The following VPS45 variants were observed in gnomAD, a reference collection of about 807,000 sequenced individuals.
VPS45 encodes vacuolar protein sorting-associated protein 45.
VPS45 carries 35 observed loss-of-function variants against 75.9 expected under a neutral mutation model. That is an observed-to-expected ratio of 0.46 (90% CI 0.35 to 0.61). The LOEUF (loss-of-function observed/expected upper bound fraction) is 0.61, where lower values mean the gene tolerates loss of function less well. Among genes scored for constraint, VPS45 ranks in the 20% least tolerant of loss-of-function variants. The probability of loss-of-function intolerance (pLI) is 0.00; values close to 1 mark genes in which losing one functional copy is unlikely to be tolerated. For missense variants in VPS45, 559 were observed against 685.9 expected, an observed-to-expected ratio of 0.81 and a Z score of 2.07; for synonymous variants, 220 against 238.2, an observed-to-expected ratio of 0.92 and a Z score of 0.70.
chr1:150,137,363 A>T (rs1559947550), intron 14 of VPS45, among the ~76,000 whole-genome samples: 2 of 152,354 alleles, frequency 1.3e-5, no homozygotes, highest in South Asian at 2.1e-4. Flanking sequence ...CATCCACTTT[A>T]TACTAAGGAT....
At chr1:150,095,485 G>A (rs1656571588) in intron 13 of VPS45, among the ~76,000 whole-genome samples, 3 of 152,110 alleles carry the variant, frequency 2.0e-5, no homozygotes, top group African/African-American at 7.2e-5. Context: ...TGGGTAGCAG[G>A]CGCCTGTAAT....
intron 10 of VPS45, among the ~76,000 whole-genome samples, chr1:150,088,772 C>T (rs1553801307): frequency 6.6e-6 from 1 of 152,016 alleles, no homozygotes; most frequent in Non-Finnish European, 1.5e-5. Context: ...AGCCACCGTG[C>T]CCGACCTAAA....
At chr1:150,092,516 T>A in intron 12 of VPS45, 107 bp downstream of exon 12, 1 of 875,424 alleles carries the variant, frequency 1.1e-6, no homozygotes, top group East Asian at 2.8e-5. Flanking sequence ...GCTGCTAATT[T>A]AGTACTGTGT....
At chr1:150,119,260 C>T (rs1232733028) in intron 14 of VPS45, among the ~76,000 whole-genome samples, 3 of 152,066 alleles carry the variant, frequency 2.0e-5, no homozygotes, top group Non-Finnish European at 4.4e-5. Context: ...CTTAGACTCT[C>T]AGTAATGGAA....
intron 10 of VPS45, 96 bp from the exon 11 acceptor site, chr1:150,091,841 T>C: frequency 8.9e-7 from 1 of 1,117,850 alleles, no homozygotes; most frequent in Non-Finnish European, 1.3e-6. Context: ...ATAGTAGTGA[T>C]GTATCACTAC....
chr1:150,100,106 C>A (rs1276665491), intron 13 of VPS45, among the ~76,000 whole-genome samples: 1 of 152,194 alleles, frequency 6.6e-6, no homozygotes, highest in Non-Finnish European at 1.5e-5. Flanking sequence ...AGCTCAAAAG[C>A]TCCTTCAGCT....
intron 14 of VPS45, among the ~76,000 whole-genome samples, chr1:150,122,396 C>G (rs1324391154): frequency 1.3e-5 from 2 of 151,842 alleles, no homozygotes; most frequent in African/African-American, 2.4e-5. Flanking sequence ...ACAGCCATGT[C>G]CTAAGAATCA....
intron 13 of VPS45, chr1:150,099,125 TC>T: frequency 1.1e-6 from 1 of 921,950 alleles, no homozygotes; most frequent in Non-Finnish European, 1.3e-6. Context: ...AGTGTAATGC[TC>T]CACAAAATAG....
chr1:150,106,235 A>G (rs1657316648), intron 13 of VPS45, among the ~76,000 whole-genome samples: 1 of 152,212 alleles, frequency 6.6e-6, no homozygotes, highest in Non-Finnish European at 1.5e-5. Context: ...AGCAAATGCA[A>G]CAAAAACAAA....
At chr1:150,098,854 G>T in intron 13 of VPS45, 2 of 1,274,688 alleles carry the variant, frequency 1.6e-6, no homozygotes, top group South Asian at 1.3e-5. Flanking sequence ...CTCTAGAATT[G>T]CCTCTTGTCT....
chr1:150,096,033 A>C (rs73011246), intron 13 of VPS45, among the ~76,000 whole-genome samples: 1 of 152,132 alleles, frequency 6.6e-6, no homozygotes, highest in African/African-American at 2.4e-5. Context: ...AGAAGCCAGA[A>C]TCAATAGTCA....
intron 13 of VPS45, among the ~76,000 whole-genome samples, chr1:150,097,640 A>T (rs1463478091): frequency 6.6e-6 from 1 of 151,730 alleles, no homozygotes; most frequent in East Asian, 2.0e-4. Context: ...AATCGCTTGA[A>T]CCAGGGAGGT....
chr1:150,077,641 A>C, intron 6 of VPS45, 28 bp from the exon 7 acceptor site: 7 of 1,487,406 alleles, frequency 4.7e-6, no homozygotes, highest in Non-Finnish European at 6.6e-6. Flanking sequence ...AGATGGTTGC[A>C]CAAACCATCT....
At position 150,128,802 on chromosome 1, in the gene VPS45, C is replaced by T. The variant is rs146708767; in HGVS notation, c.1626-15907C>T. Among the ~76,000 whole-genome samples the T allele has an allele frequency of 2.5e-3, 379 of 151,744 alleles. 3 individuals carry two copies. The highest frequency in any genetic ancestry group is 8.7e-3 in the African/African-American group (358 of 41,340). On this transcript the variant is annotated intron_variant, in intron 14 of 14. Transcript: ENST00000644510. Reference sequence around the variant, plus strand: ...TCGCCCAGGCTGGAGTGCAGTGGCACGATCTCGGCTCACTGCAACCTCCGC... The same window carrying T: ...TCGCCCAGGCTGGAGTGCAGTGGCATGATCTCGGCTCACTGCAACCTCCGC...
intron 10 of VPS45, among the ~76,000 whole-genome samples, chr1:150,084,833 T>TA (rs1320611134): frequency 2.6e-5 from 4 of 152,278 alleles, no homozygotes; most frequent in Admixed American, 6.5e-5. Flanking sequence ...TTCAGACTGT[T>TA]ACGATGATTC....
intron 14 of VPS45, among the ~76,000 whole-genome samples, chr1:150,136,023 T>C (rs1659072802): frequency 6.7e-6 from 1 of 148,674 alleles, no homozygotes; most frequent in Non-Finnish European, 1.5e-5. Flanking sequence ...CCAAGGCGGG[T>C]GGATCACCTG....
chr1:150,087,014 T>C (rs782298819), intron 10 of VPS45, among the ~76,000 whole-genome samples: 1 of 151,692 alleles, frequency 6.6e-6, no homozygotes, highest in Admixed American at 6.6e-5. Context: ...AGACCAACTG[T>C]AATCTGTATA....
intron 14 of VPS45, among the ~76,000 whole-genome samples, chr1:150,119,498 G>A (rs1191832380): frequency 1.3e-5 from 2 of 152,186 alleles, no homozygotes; most frequent in Non-Finnish European, 2.9e-5. Flanking sequence ...TTGACCTCAA[G>A]AGCTCTGCAG....
intron 14 of VPS45, among the ~76,000 whole-genome samples, chr1:150,132,418 T>C (rs1447951977): frequency 6.6e-6 from 1 of 152,202 alleles, no homozygotes; most frequent in Non-Finnish European, 1.5e-5. Flanking sequence ...GTTTTCATGA[T>C]CAAAAAATAT....
Sources: gnomAD v4.1 joint callset for allele counts (sites outside exome capture counted in the v4.1 genomes callset) on GRCh38, gnomAD v4.1.1 for gene constraint, MANE v1.5 for transcripts, NCBI Gene and HGNC (gene_info 2026-07-23, HGNC 2026-07-21) for gene names.